The following GSK3B variants were observed in gnomAD, a reference collection of about 807,000 sequenced individuals.
The protein encoded by GSK3B is glycogen synthase kinase-3 beta.
A neutral mutation model predicts 56.4 loss-of-function variants in GSK3B; 15 were observed. That is an observed-to-expected ratio of 0.27 (90% CI 0.18 to 0.41). The LOEUF (loss-of-function observed/expected upper bound fraction) is 0.41. Among genes scored for constraint, GSK3B ranks in the 10% least tolerant of loss-of-function variants. The pLI is 1.00. For synonymous variants in GSK3B, 181 were observed against 188.9 expected (o/e 0.96, Z 0.34); for missense variants, 300 against 513.4 (o/e 0.58, Z 4.02).
Position 120,093,893 on chromosome 3 carries a change from G to C in GSK3B, c.-459C>G, listed in dbSNP as rs2058538063. ...CTCACGCTTGAAGAGAAAGGGGGAT[G>C]GGTAGGAGGGAGGGAGAGGGAGGGA... On this transcript the variant is annotated 5_prime_UTR_variant, in exon 1 of 11. Transcript: ENST00000264235. The C allele has an allele frequency of 4.6e-6, 1 of 215,956 alleles. No homozygotes were observed. Among genetic ancestry groups the C allele is most frequent in the Non-Finnish European group, 9.4e-6 (1 of 106,836 alleles). 13.4% of individuals were successfully genotyped at this position (215,956 alleles called of 1,614,324 possible). A position where few individuals can be genotyped will look rare whatever the true frequency, so the allele number is the denominator to read the frequency against.
At chr3:119,964,639 G>A in intron 2 of GSK3B, among the ~76,000 whole-genome samples, 1 of 152,124 alleles carries the variant, frequency 6.6e-6, no homozygotes, top group Non-Finnish European at 1.5e-5. Flanking sequence ...ACGGTATAAA[G>A]TTAGTTATAC....
chr3:119,885,762 G>A (rs2056429260), intron 7 of GSK3B, among the ~76,000 whole-genome samples: 1 of 151,976 alleles, frequency 6.6e-6, no homozygotes, highest in African/African-American at 2.4e-5. Flanking sequence ...ACAGCCATCT[G>A]ATCTTCGTCA....
At chr3:119,835,618 T>C (rs964945280) in intron 10 of GSK3B, among the ~76,000 whole-genome samples, 3 of 152,228 alleles carry the variant, frequency 2.0e-5, no homozygotes, top group African/African-American at 7.2e-5. Context: ...CAATTTTTAC[T>C]TCCTAAAATA....
rs947259869 is a variant in GSK3B, at chr3:120,094,397, G to A, written c.-963C>T. The A allele has an allele frequency of 2.8e-5, 9 of 325,000 alleles. No homozygotes were observed. Among genetic ancestry groups the A allele is most frequent in the Admixed American group, 5.3e-5 (1 of 18,976 alleles). 20.1% of individuals were successfully genotyped at this position (325,000 alleles called of 1,614,324 possible). A position where few individuals can be genotyped will look rare whatever the true frequency, so the allele number is the denominator to read the frequency against. On this transcript the variant is annotated 5_prime_UTR_variant, in exon 1 of 11. Coordinates refer to ENST00000264235, the MANE Select transcript of GSK3B (RefSeq NM_001146156.2). Reference sequence around the variant, plus strand: ...GTCACTTGGCCCGGGCGGCGGCGGCGGCGGCGGCGGCACAAGCCCGCATTC... The same window carrying A: ...GTCACTTGGCCCGGGCGGCGGCGGCAGCGGCGGCGGCACAAGCCCGCATTC...
intron 4 of GSK3B, among the ~76,000 whole-genome samples, chr3:119,918,725 AT>A (rs921570887): frequency 4.6e-5 from 7 of 152,000 alleles, no homozygotes; most frequent in Non-Finnish European, 8.8e-5. Flanking sequence ...AATGAAAACA[AT>A]TTTTTTTATT....
rs1035479375 is a variant in GSK3B at position 120,007,461 on chromosome 3, C to CA, written c.89-5223dup. Among the ~76,000 whole-genome samples, 52 of 150,774 alleles carry CA rather than the reference C, an allele frequency of 3.4e-4. 1 individual carries two copies. The highest frequency in any genetic ancestry group is 2.5e-3 in the South Asian group (12 of 4,766). On this transcript the variant is annotated intron_variant, in intron 1 of 10. Transcript: ENST00000264235. ...ATGATATCTGGCAGAGACACAACAA[C>CA]AAAAAAAAAGAAATTTAGACCAATA...
intron 3 of GSK3B, among the ~76,000 whole-genome samples, chr3:119,932,271 G>A (rs1296300700): frequency 6.6e-6 from 1 of 152,156 alleles, no homozygotes; most frequent in African/African-American, 2.4e-5. Flanking sequence ...ATTCCAACTG[G>A]CAAAAATCTC....
At chr3:119,925,354 T>C (rs1044102850) in intron 3 of GSK3B, among the ~76,000 whole-genome samples, 2 of 152,132 alleles carry the variant, frequency 1.3e-5, no homozygotes, top group African/African-American at 2.4e-5. Context: ...GCAATAATTA[T>C]ACACTTTCCT....
intron 2 of GSK3B, among the ~76,000 whole-genome samples, chr3:119,952,859 G>C (rs916813277): frequency 1.3e-5 from 2 of 151,834 alleles, no homozygotes; most frequent in Admixed American, 6.6e-5. Flanking sequence ...CAAGTACCTT[G>C]AGCTAAAAGA....
At chr3:120,059,356 G>C (rs2058218676) in intron 1 of GSK3B, among the ~76,000 whole-genome samples, 1 of 152,128 alleles carries the variant, frequency 6.6e-6, no homozygotes, top group African/African-American at 2.4e-5. Flanking sequence ...CTAGCATATA[G>C]TCGGTCTCAA....
At chr3:120,006,997 A>T (rs1253199806) in intron 1 of GSK3B, among the ~76,000 whole-genome samples, 3 of 152,272 alleles carry the variant, frequency 2.0e-5, no homozygotes, top group South Asian at 2.1e-4. Context: ...TTTTTGAAAG[A>T]TCAACAAAAT....
At chr3:120,054,220 TC>T (rs2058174783) in intron 1 of GSK3B, among the ~76,000 whole-genome samples, 1 of 152,160 alleles carries the variant, frequency 6.6e-6, no homozygotes, top group Non-Finnish European at 1.5e-5. Context: ...GTTCAATCTC[TC>T]ATTCCCTCCT....
intron 4 of GSK3B, among the ~76,000 whole-genome samples, chr3:119,918,450 A>C (rs2056803835): frequency 6.6e-6 from 1 of 152,048 alleles, no homozygotes; most frequent in Non-Finnish European, 1.5e-5. Context: ...AGCCTGGGCC[A>C]CAGAGCGGAA....
chr3:119,873,912 A>G (rs2056276716), intron 8 of GSK3B, among the ~76,000 whole-genome samples: 2 of 152,164 alleles, frequency 1.3e-5, no homozygotes, highest in African/African-American at 4.8e-5. Context: ...TCCTTTTAAT[A>G]GACAAAAAAG....
At chr3:119,929,711 TGACCAACATG>T (rs2056924101) in intron 3 of GSK3B, among the ~76,000 whole-genome samples, 1 of 151,920 alleles carries the variant, frequency 6.6e-6, no homozygotes, top group South Asian at 2.1e-4. Flanking sequence ...GAGACCAGCC[TGACCAACATG>T]GAGAAATCCC....
In GSK3B at chr3:119,825,336, T is replaced by C. The variant is rs944112240; in HGVS notation, c.*1452A>G. On this transcript the variant is annotated 3_prime_UTR_variant, in exon 11 of 11. Transcript: ENST00000264235. ...TCAATTCTCCTTGCTTTCCAAGGAA[T>C]ATTGCTTTTTCTTCAAAAAGAGAGA... The C allele has an allele frequency of 4.3e-6, 1 of 230,028 alleles. No individual in the cohort carries two copies. The highest frequency in any genetic ancestry group is 2.2e-5 in the African/African-American group (1 of 45,136). The allele number at this position is 230,028 out of a possible 1,614,324, so 14.2% of individuals were successfully genotyped here.
At chr3:119,961,632 CAAAAAAA>C (rs1211316414) in intron 2 of GSK3B, among the ~76,000 whole-genome samples, 146 of 95,874 alleles carry the variant, frequency 1.5e-3, no homozygotes, top group African/African-American at 4.3e-3. Flanking sequence ...GTCTCACAAA[CAAAAAAA>C]AAAAAAAAAA....
At chr3:119,881,964 C>G (rs570471805) in intron 7 of GSK3B, among the ~76,000 whole-genome samples, 8 of 152,318 alleles carry the variant, frequency 5.3e-5, no homozygotes, top group African/African-American at 1.9e-4. Flanking sequence ...GACTTTGCTC[C>G]TCCTTGCCTT....
At chr3:119,849,276 T>A (rs10934500) in intron 9 of GSK3B, among the ~76,000 whole-genome samples, 3 of 151,884 alleles carry the variant, frequency 2.0e-5, no homozygotes, top group Admixed American at 1.3e-4. Flanking sequence ...GGTCCCAGGA[T>A]AGGGAGATAA....
Sources: gnomAD v4.1 joint callset for allele counts (sites outside exome capture counted in the v4.1 genomes callset) on GRCh38, gnomAD v4.1.1 for gene constraint, MANE v1.5 for transcripts, NCBI Gene and HGNC (gene_info 2026-07-23, HGNC 2026-07-21) for gene names.